CFAP70: variants seen among roughly 807,000 people sequenced by gnomAD.
CFAP70 encodes the protein cilia- and flagella-associated protein 70.
Under a neutral mutation model 137.6 loss-of-function variants are expected in CFAP70, and 81 were observed. The observed-to-expected ratio is 0.59, with a 90% CI of 0.49 to 0.71. The LOEUF (loss-of-function observed/expected upper bound fraction) is 0.71, where lower values mean the gene tolerates loss of function less well. Among genes scored for constraint, CFAP70 ranks in the 30% least tolerant of loss-of-function variants. The pLI, the probability that CFAP70 is intolerant of heterozygous loss-of-function variation, is 0.00. For synonymous variants in CFAP70, 382 were observed against 423.6 expected (o/e 0.90, Z 1.20); for missense variants, 976 against 1,226.7 (o/e 0.80, Z 3.05).
At chr10:73,333,877 A>T (rs2052365375) in intron 7 of CFAP70, among the ~76,000 whole-genome samples, 1 of 152,216 alleles carries the variant, frequency 6.6e-6, no homozygotes, top group Non-Finnish European at 1.5e-5. Flanking sequence ...TTCTTAATTG[A>T]TCTGATAACT....
chr10:73,274,366 G>A, intron 23 of CFAP70, 67 bp downstream of exon 24: 1 of 1,488,968 alleles, frequency 6.7e-7, no homozygotes, highest in African/African-American at 1.4e-5. Flanking sequence ...CACACAGATA[G>A]ATGTTAATGC....
At chr10:73,322,705 A>G (rs1390620916) in intron 9 of CFAP70, among the ~76,000 whole-genome samples, 1 of 152,084 alleles carries the variant, frequency 6.6e-6, no homozygotes, top group Non-Finnish European at 1.5e-5. Context: ...ATTCCATCAT[A>G]CAGAGGTACC....
chr10:73,303,526 C>T (rs2049127364), intron 12 of CFAP70, among the ~76,000 whole-genome samples: 1 of 151,934 alleles, frequency 6.6e-6, no homozygotes, highest in Non-Finnish European at 1.5e-5. Context: ...CCTATTGTTG[C>T]CATTCTAATT....
At chr10:73,286,761 A>G (rs774901237) in intron 19 of CFAP70, among the ~76,000 whole-genome samples, 1 of 152,232 alleles carries the variant, frequency 6.6e-6, no homozygotes, top group African/African-American at 2.4e-5. Flanking sequence ...GCTGAGAGCC[A>G]TAAACAGAGT....
chr10:73,331,229 G>A lies in CFAP70; in HGVS notation c.725C>T (p.Thr242Ile), dbSNP rs758861482. The A allele has an allele frequency of 1.5e-5, 24 of 1,613,698 alleles. No individual in the cohort carries two copies. The East Asian group carries it at 4.9e-4, about 33-fold the overall frequency. Residue 242 changes from threonine (T) to isoleucine (I), a missense_variant, in exon 8 of 27, where the codon ACA (threonine) becomes ATA (isoleucine). By Grantham distance (89) the Thr-to-Ile change is moderately conservative (BLOSUM62 -1). Coordinates refer to ENST00000310715, the Ensembl canonical transcript of CFAP70. ...GGGTATAGTGACCAGAGGAACTCTT[G>A]TGATCTCTACAGGCCAAAGCCGGCA... is the stretch of plus-strand genomic sequence containing the variant.
intron 25 of CFAP70, among the ~76,000 whole-genome samples, chr10:73,263,345 A>C (rs1263218441): frequency 2.6e-5 from 4 of 152,182 alleles, no homozygotes. Flanking sequence ...GGCCTCCCAA[A>C]GTGCCGGGAT....
chr10:73,306,096 A>G (rs2049350262), intron 12 of CFAP70, among the ~76,000 whole-genome samples: 1 of 152,172 alleles, frequency 6.6e-6, no homozygotes, highest in African/African-American at 2.4e-5. Flanking sequence ...CAGAAGAAAG[A>G]ATCGGCAAAA....
chr10:73,315,457 C>CA (rs144096009), intron 9 of CFAP70, among the ~76,000 whole-genome samples: 6,781 of 152,242 alleles, frequency 0.045, 457 homozygotes, highest in African/African-American at 0.15. Context: ...TAAACATTCA[C>CA]ATATATGTCT....
chr10:73,316,168 T>C (rs1215769446), intron 9 of CFAP70, among the ~76,000 whole-genome samples: 1 of 152,078 alleles, frequency 6.6e-6, no homozygotes, highest in East Asian at 1.9e-4. Flanking sequence ...GTTTCCATAG[T>C]ATATCTTTTG....
At position 73,269,560 on chromosome 10, in the gene CFAP70, AC is replaced by A. The variant is rs1323729010; in HGVS notation, c.3027+53del. The stretch of plus-strand genomic sequence containing the variant: ...CCATCTGCTGCCCCTTGCTTACTTG[AC>A]CCCTCACCTCTGTGCCCTAAAAGGG... On this transcript the variant is annotated intron_variant, in intron 25 of 26. Transcript: ENST00000310715. 3.1e-6 allele frequency: 4 copies of A among 1,288,840 alleles called. No individual in the cohort carries two copies. The Admixed American group carries it at 6.8e-5, about 22-fold the overall frequency. The allele number at this position is 1,288,840 out of a possible 1,614,324, so 79.8% of individuals were successfully genotyped here.
intron 6 of CFAP70, among the ~76,000 whole-genome samples, chr10:73,338,141 G>A (rs907613263): frequency 1.4e-5 from 2 of 143,676 alleles, no homozygotes; most frequent in African/African-American, 2.7e-5. Context: ...ATATATATGC[G>A]GATTTTTTTT....
chr10:73,287,852 CATCT>C (rs72556802), intron 19 of CFAP70, among the ~76,000 whole-genome samples: 11,846 of 145,872 alleles, frequency 0.081, 536 homozygotes, highest in Admixed American at 0.14. Context: ...TGCATTTTAA[CATCT>C]ATCTATCTAT....
At chr10:73,291,295 C>T in exon 19 of CFAP70, 1 of 1,614,130 alleles carries the variant, frequency 6.2e-7, no homozygotes, top group South Asian at 1.1e-5. Context: ...AAACTAGATT[C>T]TCTCTTCCCT....
At chr10:73,328,140 G>C (rs1390499370) in intron 8 of CFAP70, among the ~76,000 whole-genome samples, 1 of 152,226 alleles carries the variant, frequency 6.6e-6, no homozygotes, top group East Asian at 1.9e-4. Context: ...CCAAAACAGA[G>C]ATATAGATCA....
chr10:73,262,403 G>C (rs953929754), intron 25 of CFAP70, among the ~76,000 whole-genome samples: 1 of 151,966 alleles, frequency 6.6e-6, no homozygotes, highest in Admixed American at 6.6e-5. Context: ...TTGTATTCAA[G>C]CCACCCTTAT....
chr10:73,339,679 C>T (rs1009693318), intron 6 of CFAP70, among the ~76,000 whole-genome samples: 3 of 152,234 alleles, frequency 2.0e-5, no homozygotes, highest in Non-Finnish European at 2.9e-5. Flanking sequence ...GAGCCGGCAG[C>T]TCCAGGCGTC....
rs756541462 is a variant in CFAP70, at chr10:73,275,628, T to C, written c.2521-30A>G. 1 of 1,486,688 alleles carries C rather than the reference T, an allele frequency of 6.7e-7. No homozygotes were observed. The highest frequency in any genetic ancestry group is 2.5e-5 in the Admixed American group (1 of 40,622). The allele number at this position is 1,486,688 out of a possible 1,614,324, so 92.1% of individuals were successfully genotyped here. On this transcript the variant is annotated intron_variant, in intron 21 of 26. Coordinates refer to ENST00000310715, the Ensembl canonical transcript of CFAP70. This position sits in a 1 kb window ranked among gnomAD's most constrained non-coding sequence, Gnocchi z 4.0. ...AAGGATAATCAGATTATAAGCAACA[T>C]ATAAATGGCTGCATTGCGTCTTTTT...
At chr10:73,339,673 C>T (rs2053066161) in intron 6 of CFAP70, among the ~76,000 whole-genome samples, 1 of 152,314 alleles carries the variant, frequency 6.6e-6, no homozygotes, top group Non-Finnish European at 1.5e-5. Flanking sequence ...GCAGCAGAGC[C>T]GGCAGCTCCA....
chr10:73,360,837 G>C (rs925951183), upstream of CFAP70, among the ~76,000 whole-genome samples: 2 of 152,040 alleles, frequency 1.3e-5, no homozygotes, highest in Non-Finnish European at 2.9e-5. Context: ...GTCTTTAATA[G>C]GGAGCTGTTC....
Sources: gnomAD v4.1 joint callset for allele counts (sites outside exome capture counted in the v4.1 genomes callset) on GRCh38, gnomAD v4.1.1 for gene constraint, Gnocchi (gnomAD v3.1) non-coding constraint, MANE v1.5 for transcripts, NCBI Gene and HGNC (gene_info 2026-07-23, HGNC 2026-07-21) for gene names.